Variants in LIG3 observed in about 807,000 individuals in gnomAD.
LIG3 encodes DNA ligase 3.
LIG3 carries 58 observed loss-of-function variants against 110.9 expected under a neutral mutation model. The observed-to-expected ratio is 0.52, with a 90% CI of 0.42 to 0.65. LIG3 has a LOEUF of 0.65. LIG3 is among the 30% of genes least tolerant of loss of function. The pLI, the probability that LIG3 is intolerant of heterozygous loss-of-function variation, is 0.00. For missense variants in LIG3, 1,094 were observed against 1,273.8 expected, an observed-to-expected ratio of 0.86 and a Z score of 2.15; for synonymous variants, 422 against 472.8, an observed-to-expected ratio of 0.89 and a Z score of 1.39.
At chr17:34,989,006 T>A (rs2090688412) in intron 3 of LIG3, among the ~76,000 whole-genome samples, 2 of 151,910 alleles carry the variant, frequency 1.3e-5, no homozygotes, top group South Asian at 4.1e-4. Context: ...CTGAGATCCT[T>A]CTGACCACTT....
chr17:35,008,497 T>G lies in LIG3; in HGVS notation c.*3991T>G, dbSNP rs1597807904. On this transcript the variant is annotated 3_prime_UTR_variant, in exon 20 of 20. Coordinates refer to ENST00000378526, the MANE Select transcript of LIG3 (RefSeq NM_013975.4). Reference sequence around the variant, plus strand: ...CACCCTGGCTGGAGTGCGGTGGCGATCAGAGCTCACTGCAGCTTCAATCTC... The same window carrying G: ...CACCCTGGCTGGAGTGCGGTGGCGAGCAGAGCTCACTGCAGCTTCAATCTC... The G allele has an allele frequency of 6.6e-6, 1 of 151,962 alleles. No individual in the cohort carries two copies. The highest frequency in any genetic ancestry group is 2.4e-5 in the African/African-American group (1 of 41,362). The allele number at this position is 151,962 out of a possible 1,614,324, so 9.4% of individuals were successfully genotyped here.
chr17:35,001,403 G>A lies in LIG3; in HGVS notation c.2478G>A (p.Lys826=). The change falls in exon 17 of 20, where the codon AAG becomes AAA. Residue 826 remains lysine, a splice_region_variant and synonymous_variant. Coordinates refer to ENST00000378526, the MANE Select transcript of LIG3 (RefSeq NM_013975.4). ...WKSATNLPQL[K]ELYQLSKEKA... The stretch of plus-strand genomic sequence containing the variant: ...CTGCCACTAACCTTCCCCAACTCAA[G>A]GTAGCAGCTCTTAGGCTGTATATGT... The A allele has an allele frequency of 6.2e-7, 1 of 1,614,066 alleles. No individual in the cohort carries two copies. Among genetic ancestry groups the A allele is most frequent in the South Asian group, 1.1e-5 (1 of 91,074 alleles).
At position 35,009,086 on chromosome 17, in the gene LIG3, C is replaced by CT. The variant is rs1244252728; in HGVS notation, c.*4581dup. The CT allele has an allele frequency of 6.6e-6, 1 of 152,634 alleles. No homozygotes were observed. Among genetic ancestry groups the CT allele is most frequent in the Non-Finnish European group, 1.5e-5 (1 of 68,036 alleles). The allele number at this position is 152,634 out of a possible 1,614,324, so 9.5% of individuals were successfully genotyped here. A position where few individuals can be genotyped will look rare whatever the true frequency, so the allele number is the denominator to read the frequency against. ...GCTCTTTTGTCAGTCCTATCAACCT[C>CT]TAACATCCTCGCACCAGACAGGACA... is the stretch of plus-strand genomic sequence containing the variant. On this transcript the variant is annotated 3_prime_UTR_variant, in exon 20 of 20. Coordinates refer to ENST00000378526, the MANE Select transcript of LIG3 (RefSeq NM_013975.4).
intron 10 of LIG3, 113 bp downstream of exon 10, chr17:34,996,308 TC>T: frequency 3.9e-6 from 5 of 1,266,626 alleles, no homozygotes; most frequent in South Asian, 2.9e-5. Flanking sequence ...TGGCCCTTAT[TC>T]TTCGCTTCTG....
chr17:34,994,290 GTCCGTTGAGTA>G lies in LIG3; in HGVS notation c.1472_1482del (p.Ser491CysfsTer12). ...CCCACCCCAAGGCGGAGGCCTGCAA[GTCCGTTGAGTA>G]TGCAATGAAGAAATGTCCCAATGGC... On this transcript the variant is annotated frameshift_variant, in exon 9 of 20. Coordinates refer to ENST00000378526, the MANE Select transcript of LIG3 (RefSeq NM_013975.4). LOFTEE classifies it high-confidence loss of function. 6.2e-7 allele frequency: 1 copy of G among 1,612,932 alleles called. No individual in the cohort carries two copies. The highest frequency in any genetic ancestry group is 8.5e-7 in the Non-Finnish European group (1 of 1,179,794).
chr17:34,989,211 A>T (rs2090691040), intron 3 of LIG3, among the ~76,000 whole-genome samples: 1 of 152,112 alleles, frequency 6.6e-6, no homozygotes, highest in Non-Finnish European at 1.5e-5. Context: ...AGAGATGCAC[A>T]TCAGTCTGGT....
Position 34,999,300 on chromosome 17 carries a change from C to G in LIG3, c.2114-7C>G. ...CAACCCACACTCATCTCACACTCCC[C>G]TCCCAGGCGGCATGATGTCAATCTT... On this transcript the variant is annotated splice_region_variant and splice_polypyrimidine_tract_variant and intron_variant, in intron 14 of 19. Coordinates refer to ENST00000378526, the MANE Select transcript of LIG3 (RefSeq NM_013975.4). 6.2e-7 allele frequency: 1 copy of G among 1,610,580 alleles called. No homozygotes were observed. The highest frequency in any genetic ancestry group is 8.5e-7 in the Non-Finnish European group (1 of 1,177,752).
chr17:34,981,154 TGAGGGTGCGGAAC>T (rs1425875453), intron 1 of LIG3: 2 of 152,320 alleles, frequency 1.3e-5, no homozygotes, highest in Non-Finnish European at 2.9e-5. Flanking sequence ...GCGGCAGTTG[TGAGGGTGCGGAAC>T]GAGGGACAGA....
chr17:35,004,933 CTCAT>C lies in LIG3; in HGVS notation c.*429_*432del. 1 of 263,748 alleles carries C rather than the reference CTCAT, an allele frequency of 3.8e-6. No individual in the cohort carries two copies. Among genetic ancestry groups the C allele is most frequent in the Non-Finnish European group, 7.4e-6 (1 of 135,288 alleles). 16.3% of individuals were successfully genotyped at this position (263,748 alleles called of 1,614,324 possible). A position where few individuals can be genotyped will look rare whatever the true frequency, so the allele number is the denominator to read the frequency against. On this transcript the variant is annotated 3_prime_UTR_variant, in exon 20 of 20. Coordinates refer to ENST00000378526, the MANE Select transcript of LIG3 (RefSeq NM_013975.4). The stretch of plus-strand genomic sequence containing the variant: ...TTGCCTGTTCCTTTGTACTTCCAGG[CTCAT>C]TTTAAAGTTGTATTTAAAGGACTGC...
rs891769751 is a variant in LIG3 at position 34,991,001 on chromosome 17, C to T, written c.928C>T (p.Leu310=). The change falls in exon 5 of 20, where the codon CTG becomes TTG. Residue 310 remains leucine, a synonymous_variant. Coordinates refer to ENST00000378526, the MANE Select transcript of LIG3 (RefSeq NM_013975.4). ...TGATGTGTACCTAACAGTGAAGCTG[C>T]TGCTGCCAGGAGTCATTAAGACTGT... is the stretch of plus-strand genomic sequence containing the variant. ...HGDVYLTVKL[L]LPGVIKTVYN... is the part of the protein sequence containing the mutation. 6 of 1,614,006 alleles carry T rather than the reference C, an allele frequency of 3.7e-6. No homozygotes were observed. The African/African-American group carries it at 6.7e-5, about 18-fold the overall frequency.
Position 34,989,569 on chromosome 17 carries a change from G to C in LIG3, c.795G>C (p.Glu265Asp), listed in dbSNP as rs777372589. ...GGCATAAGGACTGTCTGCTACGGGAGTTTCGAAAGTTATGCGCCATGGTGG... is the reference window on the plus strand; with the variant it reads ...GGCATAAGGACTGTCTGCTACGGGACTTTCGAAAGTTATGCGCCATGGTGG... The part of the protein sequence containing the change: ...DPRHKDCLLR[E>D]FRKLCAMVAD... Residue 265 changes from glutamate to aspartate, a missense_variant, in exon 4 of 20, where the codon GAG (glutamate) becomes GAC (aspartate). Coordinates refer to ENST00000378526, the MANE Select transcript of LIG3 (RefSeq NM_013975.4). The C allele has an allele frequency of 3.1e-6, 5 of 1,614,106 alleles. No homozygotes were observed. The highest frequency in any genetic ancestry group is 3.4e-6 in the Non-Finnish European group (4 of 1,180,028).
At chr17:34,998,382 G>A (rs2090802810) in intron 13 of LIG3, 86 bp downstream of exon 13, 3 of 1,275,746 alleles carry the variant, frequency 2.4e-6, no homozygotes, top group East Asian at 2.3e-5. Flanking sequence ...GGAGATGGCG[G>A]TGGCAGCCTG....
chr17:35,002,629 G>T, intron 18 of LIG3, 39 bp from the exon 19 acceptor site: 1 of 1,598,388 alleles, frequency 6.3e-7, no homozygotes, highest in Non-Finnish European at 8.5e-7. Context: ...GGGACTATAG[G>T]TGTGCACCAC....
Position 35,001,776 on chromosome 17 carries a change from A to G in LIG3, c.2479-133A>G, listed in dbSNP as rs3136024. 1,860 of 779,426 alleles carry G rather than the reference A, an allele frequency of 2.4e-3. 27 individuals carry two copies. In the African/African-American group the frequency reaches 0.028, roughly 12 times the overall value. 48.3% of individuals were successfully genotyped at this position (779,426 alleles called of 1,614,324 possible). On this transcript the variant is annotated intron_variant, in intron 17 of 19. Coordinates refer to ENST00000378526, the MANE Select transcript of LIG3 (RefSeq NM_013975.4). ...CTTTGGAATGGTGCCAAGGGAGCCA[A>G]CTCCTTTTCCTTGCTCTTTATCTTT...
chr17:34,994,412 A>G lies in LIG3; in HGVS notation c.1592A>G (p.Lys531Arg). Reference protein sequence around the residue: ...DHFSYFSRSLKPVLPHKVAHF... With the variant: ...DHFSYFSRSLRPVLPHKVAHF... Reference sequence around the variant, plus strand: ...TTCAGCTACTTCAGCCGCAGTCTCAAGCCCGTCCTTCCTCACAAGGTATGA... The same window carrying G: ...TTCAGCTACTTCAGCCGCAGTCTCAGGCCCGTCCTTCCTCACAAGGTATGA... The change falls in exon 9 of 20, where the codon AAG becomes AGG. Residue 531 changes from lysine (K) to arginine (R), a missense_variant. Lys to Arg is a conservative substitution (Grantham distance 26, BLOSUM62 2). Coordinates refer to ENST00000378526, the MANE Select transcript of LIG3 (RefSeq NM_013975.4). 6.2e-7 allele frequency: 1 copy of G among 1,614,094 alleles called. No individual in the cohort carries two copies. Among genetic ancestry groups the G allele is most frequent in the Non-Finnish European group, 8.5e-7 (1 of 1,179,966 alleles).
intron 9 of LIG3, among the ~76,000 whole-genome samples, chr17:34,995,767 C>T (rs558049556): frequency 1.4e-4 from 21 of 152,320 alleles, no homozygotes; most frequent in East Asian, 5.8e-4. Flanking sequence ...CCTCCTCCCC[C>T]GACAGGTTTA....
At chr17:34,995,254 T>C (rs956934942) in intron 9 of LIG3, among the ~76,000 whole-genome samples, 1 of 152,158 alleles carries the variant, frequency 6.6e-6, no homozygotes, top group African/African-American at 2.4e-5. Flanking sequence ...GCCATTTGTT[T>C]CATATGTTCA....
chr17:34,991,640 G>A, intron 5 of LIG3, 31 bp from the exon 6 acceptor site: 3 of 1,610,312 alleles, frequency 1.9e-6, no homozygotes, highest in Non-Finnish European at 2.5e-6. Context: ...CCCTAGGGTT[G>A]CAGCAGTGGC....
At chr17:34,980,796 G>C in intron 1 of LIG3, 174 bp downstream of exon 1, 1 of 204,056 alleles carries the variant, frequency 4.9e-6, no homozygotes, top group South Asian at 1.7e-4. Flanking sequence ...CGGGAGCCCA[G>C]GGGGAGGCTC....
Sources: allele counts gnomAD v4.1 joint callset (sites outside exome capture counted in the v4.1 genomes callset), GRCh38; gene constraint gnomAD v4.1.1; transcripts MANE v1.5; gene names NCBI Gene and HGNC (gene_info 2026-07-23, HGNC 2026-07-21).